DIXDC1: variants seen among roughly 807,000 people sequenced by gnomAD.
DIXDC1 encodes the protein dixin.
A neutral mutation model predicts 103.1 loss-of-function variants in DIXDC1; 64 were observed. The observed-to-expected ratio is 0.62, with a 90% CI of 0.51 to 0.76. DIXDC1 has a LOEUF of 0.76. DIXDC1 is among the 30% of genes least tolerant of loss of function. The probability of loss-of-function intolerance (pLI) is 0.00; values close to 1 mark genes in which losing one functional copy is unlikely to be tolerated. For missense variants in DIXDC1, 759 were observed against 834.2 expected, an observed-to-expected ratio of 0.91 and a Z score of 1.11; for synonymous variants, 266 against 298.5, an observed-to-expected ratio of 0.89 and a Z score of 1.12.
At chr11:111,974,842 A>G (rs1555172418) in intron 4 of DIXDC1, 34 bp from the exon 5 acceptor site, 1 of 1,605,978 alleles carries the variant, frequency 6.2e-7, no homozygotes, top group Admixed American at 1.7e-5. Context: ...TGAAGGACTG[A>G]CACCTTCCCT....
chr11:112,002,271 AAAGGATGCTAGC>A (rs1462140457), intron 17 of DIXDC1, among the ~76,000 whole-genome samples: 7 of 152,140 alleles, frequency 4.6e-5, no homozygotes, highest in Non-Finnish European at 2.9e-5. Context: ...AAAAAAAAAA[AAAGGATGCTAGC>A]AAGGATGCAG....
upstream of DIXDC1, chr11:111,937,287 C>A (rs763341489): frequency 3.8e-6 from 5 of 1,312,926 alleles, no homozygotes; most frequent in African/African-American, 6.1e-5. Context: ...GAACCGCGAC[C>A]GCGCCGGGCC....
chr11:112,008,401 C>T (rs894925258), intron 17 of DIXDC1, among the ~76,000 whole-genome samples: 14 of 151,722 alleles, frequency 9.2e-5, no homozygotes, highest in Admixed American at 1.3e-4. Flanking sequence ...ATTAGATCAA[C>T]GAGACAGATT....
intron 17 of DIXDC1, among the ~76,000 whole-genome samples, chr11:112,004,165 C>A (rs1158811323): frequency 6.7e-6 from 1 of 150,004 alleles, no homozygotes; most frequent in Non-Finnish European, 1.5e-5. Context: ...CCTAAAAATA[C>A]GTAGAACTGA....
chr11:112,007,859 A>G (rs1311011930), intron 17 of DIXDC1, among the ~76,000 whole-genome samples: 1 of 151,958 alleles, frequency 6.6e-6, no homozygotes, highest in Non-Finnish European at 1.5e-5. Flanking sequence ...AAACATGCCA[A>G]ATTGTCAAGA....
At chr11:111,937,657 C>G in intron 1 of DIXDC1, 98 bp downstream of exon 1, 3 of 1,286,440 alleles carry the variant, frequency 2.3e-6, no homozygotes, top group Non-Finnish European at 3.2e-6. Context: ...CCTTTGGGGA[C>G]CCCAGAGCAA....
intron 17 of DIXDC1, among the ~76,000 whole-genome samples, chr11:112,005,735 A>G (rs141788317): frequency 5.3e-5 from 8 of 152,316 alleles, no homozygotes; most frequent in Non-Finnish European, 8.8e-5. Flanking sequence ...CAAAAAATAC[A>G]TGAAACAAAA....
chr11:112,012,414 T>A (rs1252402704), intron 17 of DIXDC1, among the ~76,000 whole-genome samples: 2 of 152,174 alleles, frequency 1.3e-5, no homozygotes, highest in African/African-American at 4.8e-5. Flanking sequence ...AGACACATTT[T>A]ACCAGTTGAT....
At chr11:111,984,404 G>A (rs587655297) in intron 7 of DIXDC1, among the ~76,000 whole-genome samples, 142 of 152,210 alleles carry the variant, frequency 9.3e-4, no homozygotes, top group African/African-American at 3.3e-3. Context: ...AAAATTAGCC[G>A]GGTGTGGTGG....
At chr11:111,972,034 G>A (rs1859953946) in intron 3 of DIXDC1, among the ~76,000 whole-genome samples, 1 of 152,064 alleles carries the variant, frequency 6.6e-6, no homozygotes, top group Non-Finnish European at 1.5e-5. Context: ...TCACTATCCG[G>A]ATGATGAGTT....
chr11:111,968,631 G>A lies in DIXDC1; in HGVS notation c.309G>A (p.Ser103=), dbSNP rs185770725. ...ASKKIRMHQT[S]AKDIVDGNLK... ...AAAAGATTCGTATGCACCAGACTTC[G>A]GCTAAAGGTCAGTGCCTCATCACAT... is the stretch of plus-strand genomic sequence containing the variant. Residue 103 remains serine (S), a synonymous_variant, in exon 3 of 20, where the codon TCG becomes TCA. Transcript: ENST00000440460. 22 of 1,607,920 alleles carry A rather than the reference G, an allele frequency of 1.4e-5. No individual in the cohort carries two copies. The African/African-American group carries it at 2.4e-4, about 18-fold the overall frequency.
intron 17 of DIXDC1, among the ~76,000 whole-genome samples, chr11:112,006,029 G>A (rs587660911): frequency 6.6e-6 from 1 of 152,296 alleles, no homozygotes; most frequent in African/African-American, 2.4e-5. Context: ...CCCTTTCCTA[G>A]ACAAAGGAAG....
In DIXDC1 at chr11:111,993,500, A is replaced by T; in HGVS notation, c.1277A>T (p.Glu426Val). The T allele has an allele frequency of 1.9e-6, 3 of 1,614,016 alleles. No homozygotes were observed. The highest frequency in any genetic ancestry group is 2.2e-5 in the East Asian group (1 of 44,882). Residue 426 changes from glutamate (E) to valine (V), a missense_variant, in exon 13 of 20, where the codon GAG becomes GTG. Physicochemically the swap from Glu to Val is moderately radical, Grantham distance 121. Coordinates refer to ENST00000440460, the MANE Select transcript of DIXDC1 (RefSeq NM_001037954.4). Reference sequence around the variant, plus strand: ...AAAGCTCTATCTTTATTGCAGAAAGAGCTGGGGCAGAAGGATCGCCTTCTT... The same window carrying T: ...AAAGCTCTATCTTTATTGCAGAAAGTGCTGGGGCAGAAGGATCGCCTTCTT... ...RNRLLGEYKK[E>V]LGQKDRLLQQ... is the part of the protein sequence containing the mutation.
rs181813114 is a variant in DIXDC1 at position 111,968,975 on chromosome 11, T to C, written c.316+337T>C. On this transcript the variant is annotated intron_variant, in intron 3 of 19. Coordinates refer to ENST00000440460, the MANE Select transcript of DIXDC1 (RefSeq NM_001037954.4). The stretch of plus-strand genomic sequence containing the variant: ...TTTTAGTAGATATGGGGTCTCACTG[T>C]GTTGGTCAAGCTGGTCTCGAAATCC... Among the ~76,000 whole-genome samples, 1,039 of 152,020 alleles carry C rather than the reference T, an allele frequency of 6.8e-3. 5 individuals carry two copies. Among genetic ancestry groups the C allele is most frequent in the Middle Eastern group, 0.052 (15 of 290 alleles).
rs1378881153 is a variant in DIXDC1, at chr11:111,993,706, T to C, written c.1403T>C (p.Leu468Pro). The C allele has an allele frequency of 2.5e-6, 4 of 1,613,924 alleles. No individual in the cohort carries two copies. The highest frequency in any genetic ancestry group is 2.5e-6 in the Non-Finnish European group (3 of 1,179,902). ...LERELEHKDVLLAHCMKREAD... is the reference protein window; with the variant it reads ...LERELEHKDVPLAHCMKREAD... ...CGAGAGCTAGAACACAAAGATGTCC[T>C]CTTGGCTCACTGTATGAAAAGAGAG... The change falls in exon 14 of 20, where the codon CTC becomes CCC. Residue 468 changes from leucine to proline, a missense_variant. By Grantham distance (98) the Leu-to-Pro change is moderately conservative (BLOSUM62 -3). This residue lies in a region of DIXDC1 where 657 missense variants were observed against 727.5 expected (regional missense o/e 0.90). Transcript: ENST00000440460.
chr11:111,975,866 C>T, intron 5 of DIXDC1: 2 of 983,598 alleles, frequency 2.0e-6, no homozygotes, highest in Non-Finnish European at 2.4e-6. Flanking sequence ...TCATATGGAA[C>T]TCTTTCTAGT....
At chr11:111,941,386 G>T (rs1454537481) in intron 1 of DIXDC1, among the ~76,000 whole-genome samples, 1 of 152,166 alleles carries the variant, frequency 6.6e-6, no homozygotes, top group East Asian at 1.9e-4. Flanking sequence ...AATGATGGTT[G>T]ACAGGAAATC....
intron 1 of DIXDC1, among the ~76,000 whole-genome samples, chr11:111,928,961 G>A (rs1160652254): frequency 1.3e-5 from 2 of 152,272 alleles, no homozygotes; most frequent in Non-Finnish European, 1.5e-5. Context: ...GAGGCCACCC[G>A]AGGTCAGGAG....
At chr11:111,995,970 A>C in intron 16 of DIXDC1, 110 bp from the exon 17 acceptor site, 3 of 910,796 alleles carry the variant, frequency 3.3e-6, no homozygotes, top group Non-Finnish European at 5.3e-6. Context: ...ATGTTGTGGA[A>C]GAGATGGTAG....
Sources: allele counts gnomAD v4.1 joint callset (sites outside exome capture counted in the v4.1 genomes callset), GRCh38; gene constraint gnomAD v4.1.1; regional missense constraint gnomAD v4.1.1; transcripts MANE v1.5; gene names NCBI Gene and HGNC (gene_info 2026-07-23, HGNC 2026-07-21).